The following KLRG1 variants were observed in gnomAD, a reference collection of about 807,000 sequenced individuals.
KLRG1 encodes killer cell lectin-like receptor subfamily G member 1.
A neutral mutation model predicts 21.8 loss-of-function variants in KLRG1; 16 were observed. That is an observed-to-expected ratio of 0.73 (90% CI 0.50 to 1.11). The LOEUF is 1.11. KLRG1 is among the 50% of genes most tolerant of loss of function. The pLI is 0.00. For synonymous variants in KLRG1, 69 were observed against 75.9 expected (o/e 0.91, Z 0.47); for missense variants, 173 against 218.3 (o/e 0.79, Z 1.31).
chr12:8,996,448 A>T (rs1947133309), intron 3 of KLRG1: 1 of 152,178 alleles, frequency 6.6e-6, no homozygotes, highest in African/African-American at 2.4e-5. Context: ...ATTGGGTAGG[A>T]TCTAGTCACA....
chr12:9,154,895 G>A, the KLRG1 span: 1 of 1,473,564 alleles, frequency 6.8e-7, no homozygotes, highest in East Asian at 2.4e-5. Flanking sequence ...ATTATAACTG[G>A]TAGATAAGAG....
the KLRG1 span, among the ~76,000 whole-genome samples, chr12:9,184,536 T>A: frequency 6.6e-6 from 1 of 152,062 alleles, no homozygotes; most frequent in East Asian, 1.9e-4. Flanking sequence ...TGGCACCTGC[T>A]AGCACCCTGC....
the KLRG1 span, among the ~76,000 whole-genome samples, chr12:9,142,657 A>G: frequency 2.0e-5 from 3 of 152,332 alleles, no homozygotes; most frequent in South Asian, 2.1e-4. Flanking sequence ...AGACAACCAG[A>G]AGAAAATCCA....
chr12:9,125,126 C>G, the KLRG1 span, among the ~76,000 whole-genome samples: 3 of 152,168 alleles, frequency 2.0e-5, no homozygotes, highest in Non-Finnish European at 2.9e-5. Context: ...GCAGAGACTT[C>G]GGGACTACAG....
At chr12:9,101,661 T>A in the KLRG1 span, 68 of 1,612,688 alleles carry the variant, frequency 4.2e-5, 1 homozygote, top group East Asian at 9.6e-4. Context: ...GGGACTACGA[T>A]CCTTGTAATT....
chr12:9,110,035 C>T, the KLRG1 span: 2 of 1,605,774 alleles, frequency 1.2e-6, no homozygotes, highest in Non-Finnish European at 8.5e-7. Context: ...CCTTTGGGAT[C>T]CTATATGAGT....
chr12:9,021,953 G>A, the KLRG1 span, among the ~76,000 whole-genome samples: 9 of 152,204 alleles, frequency 5.9e-5, no homozygotes, highest in South Asian at 1.9e-3. Context: ...TAGACTCTAA[G>A]ATAATGATTA....
the KLRG1 span, chr12:9,151,493 G>A: frequency 3.8e-6 from 3 of 782,918 alleles, no homozygotes; most frequent in African/African-American, 5.2e-5. Context: ...AACCTTTCTG[G>A]AAGGGCATTA....
chr12:9,046,621 G>A, the KLRG1 span, among the ~76,000 whole-genome samples: 1 of 152,156 alleles, frequency 6.6e-6, no homozygotes, highest in Admixed American at 6.5e-5. Flanking sequence ...AGCATTGAAA[G>A]AAAAAAGTCA....
chr12:8,999,354 A>G (rs1463893306), intron 3 of KLRG1, among the ~76,000 whole-genome samples: 1 of 152,204 alleles, frequency 6.6e-6, no homozygotes, highest in Non-Finnish European at 1.5e-5. Context: ...CTTTAAATCT[A>G]TTCTGATGCT....
the KLRG1 span, among the ~76,000 whole-genome samples, chr12:9,142,883 T>G: frequency 6.6e-6 from 1 of 152,188 alleles, no homozygotes; most frequent in African/African-American, 2.4e-5. Flanking sequence ...TGTGGCAACT[T>G]TTCTGTTTTC....
the KLRG1 span, among the ~76,000 whole-genome samples, chr12:9,084,587 C>T: frequency 6.6e-6 from 1 of 152,136 alleles, no homozygotes; most frequent in South Asian, 2.1e-4. Context: ...CACTACAGAA[C>T]ATCAGACCAC....
chr12:9,107,555 G>A, the KLRG1 span: 1 of 1,613,924 alleles, frequency 6.2e-7, no homozygotes, highest in Non-Finnish European at 8.5e-7. Flanking sequence ...GAAAGCCTGT[G>A]AATCTTCACC....
chr12:8,957,203 T>G (rs1372015003), intron 1 of KLRG1, among the ~76,000 whole-genome samples: 6 of 152,228 alleles, frequency 3.9e-5, no homozygotes, highest in Non-Finnish European at 8.8e-5. Flanking sequence ...TGGGGTAGTA[T>G]TACATTTTAT....
chr12:9,134,256 C>G, the KLRG1 span, among the ~76,000 whole-genome samples: 1 of 152,164 alleles, frequency 6.6e-6, no homozygotes, highest in Non-Finnish European at 1.5e-5. Flanking sequence ...TTCCCCACCT[C>G]AAGTGCTTGA....
the KLRG1 span, among the ~76,000 whole-genome samples, chr12:9,207,865 A>G: frequency 2.0e-5 from 3 of 152,224 alleles, no homozygotes; most frequent in Non-Finnish European, 2.9e-5. Context: ...GACTTGATAC[A>G]TGATTGAAAA....
At chr12:9,157,820 T>A in the KLRG1 span, 5 of 1,613,240 alleles carry the variant, frequency 3.1e-6, no homozygotes, top group Non-Finnish European at 4.2e-6. Context: ...GCGGAGAGGG[T>A]CGCTTCATCT....
chr12:9,067,801 G>A, the KLRG1 span: 1 of 1,611,942 alleles, frequency 6.2e-7, no homozygotes, highest in Non-Finnish European at 8.5e-7. Flanking sequence ...CTCCAGCAAA[G>A]CACTTTTCAG....
chr12:9,211,851 T>TC, the KLRG1 span, among the ~76,000 whole-genome samples: 1 of 152,164 alleles, frequency 6.6e-6, no homozygotes, highest in African/African-American at 2.4e-5. Flanking sequence ...TTTTGCTGGG[T>TC]CAACAGTGAG....
Sources: gnomAD v4.1 joint callset for allele counts (sites outside exome capture counted in the v4.1 genomes callset) on GRCh38, gnomAD v4.1.1 for gene constraint, MANE v1.5 for transcripts, NCBI Gene and HGNC (gene_info 2026-07-23, HGNC 2026-07-21) for gene names.